Variants in WWOX observed in about 807,000 individuals in gnomAD.
The protein encoded by WWOX is WW domain-containing oxidoreductase.
Under a neutral mutation model 46.2 loss-of-function variants are expected in WWOX, and 69 were observed. The ratio of observed to expected loss-of-function variants is 1.49; its 90% CI spans 1.23 to 1.82. WWOX has a LOEUF of 1.82. Among genes scored for constraint, WWOX ranks in the 40% most tolerant of loss-of-function variants. The pLI, the probability that WWOX is intolerant of heterozygous loss-of-function variation, is 0.00. For missense variants in WWOX, 919 were observed against 542.6 expected (o/e 1.69, Z -6.89); for synonymous variants, 359 against 202.6 (o/e 1.77, Z -6.56).
rs77532199 is a variant in WWOX, at chr16:78,687,522, C to T, written c.1056+254770C>T. On this transcript the variant is annotated intron_variant, in intron 8 of 8. Coordinates refer to ENST00000566780, the MANE Select transcript of WWOX (RefSeq NM_016373.4). ...CAGGGCGTCCTAATTGTGACTCTGC[C>T]TTGCCATTCTATGTTTTATCGGAAT... Among the ~76,000 whole-genome samples the T allele has an allele frequency of 3.4e-3, 518 of 152,228 alleles. 1 individual carries two copies. Among genetic ancestry groups the T allele is most frequent in the Non-Finnish European group, 5.0e-3 (339 of 68,028 alleles).
intron 8 of WWOX, chr16:79,004,857 C>A (rs544858537): frequency 6.6e-6 from 1 of 152,278 alleles, no homozygotes; most frequent in Non-Finnish European, 1.5e-5. Context: ...GGCCGTGCAC[C>A]TATGTGAGAT....
chr16:79,118,507 G>C (rs185942955), intron 8 of WWOX, among the ~76,000 whole-genome samples: 23 of 152,164 alleles, frequency 1.5e-4, no homozygotes, highest in Non-Finnish European at 2.9e-5. Context: ...AAATGGTGCC[G>C]ATAGTCTTCC....
intron 8 of WWOX, among the ~76,000 whole-genome samples, chr16:78,690,892 G>A (rs2047971490): frequency 6.6e-6 from 1 of 152,182 alleles, no homozygotes; most frequent in Admixed American, 6.5e-5. Context: ...ATACCTGGGG[G>A]TTTTCAAATA....
chr16:78,697,335 T>C (rs1468511843), intron 8 of WWOX, among the ~76,000 whole-genome samples: 1 of 152,206 alleles, frequency 6.6e-6, no homozygotes, highest in African/African-American at 2.4e-5. Context: ...TATTATTTTT[T>C]GCATTTTTGG....
chr16:78,303,458 G>A (rs2080078423), intron 5 of WWOX, among the ~76,000 whole-genome samples: 1 of 152,196 alleles, frequency 6.6e-6, no homozygotes, highest in African/African-American at 2.4e-5. Context: ...GAACTAGGGA[G>A]TTGAGTGAGC....
intron 8 of WWOX, among the ~76,000 whole-genome samples, chr16:78,779,681 G>A (rs1327260887): frequency 6.6e-6 from 1 of 152,156 alleles, no homozygotes; most frequent in South Asian, 2.1e-4. Flanking sequence ...TCAGTGATGC[G>A]ACTGGGATCA....
chr16:78,989,533 C>T (rs1373710101), intron 8 of WWOX, among the ~76,000 whole-genome samples: 1 of 152,124 alleles, frequency 6.6e-6, no homozygotes, highest in Non-Finnish European at 1.5e-5. Flanking sequence ...CAGCAGTGGA[C>T]TCCTGTGTGG....
chr16:79,152,627 C>T (rs1054544379), intron 8 of WWOX, among the ~76,000 whole-genome samples: 4 of 151,252 alleles, frequency 2.6e-5, no homozygotes, highest in Admixed American at 6.6e-5. Context: ...GCCGAGATCA[C>T]GCCACTGCAC....
chr16:79,053,408 C>G (rs2048206362), intron 8 of WWOX, among the ~76,000 whole-genome samples: 1 of 152,080 alleles, frequency 6.6e-6, no homozygotes, highest in South Asian at 2.1e-4. Flanking sequence ...ATTTTAAGTA[C>G]CTAAAGTTGT....
At chr16:78,783,946 G>C (rs980933912) in intron 8 of WWOX, among the ~76,000 whole-genome samples, 13 of 152,060 alleles carry the variant, frequency 8.5e-5, no homozygotes, top group African/African-American at 3.1e-4. Context: ...TGCTGGTGCT[G>C]TTGGTGATGG....
chr16:79,110,146 G>T (rs936362060), intron 8 of WWOX, among the ~76,000 whole-genome samples: 3 of 152,156 alleles, frequency 2.0e-5, no homozygotes, highest in Non-Finnish European at 4.4e-5. Context: ...ATGGCTGTTT[G>T]GGGGCTCTCT....
chr16:78,568,331 G>T (rs1172115469), intron 8 of WWOX, among the ~76,000 whole-genome samples: 1 of 151,894 alleles, frequency 6.6e-6, no homozygotes. Context: ...GCCTGCATGC[G>T]GGAAGAAAAA....
chr16:78,326,445 G>A (rs1176077765), intron 5 of WWOX, among the ~76,000 whole-genome samples: 1 of 151,914 alleles, frequency 6.6e-6, no homozygotes. Context: ...GTTGAACGTT[G>A]TTATCGCGCA....
chr16:78,535,433 G>C (rs889946683), intron 8 of WWOX: 2 of 152,194 alleles, frequency 1.3e-5, no homozygotes, highest in African/African-American at 4.8e-5. Flanking sequence ...TTCTATTTCT[G>C]TAAAGAGAAG....
chr16:78,116,606 G>A (rs1363256470), intron 4 of WWOX, among the ~76,000 whole-genome samples: 8 of 152,086 alleles, frequency 5.3e-5, no homozygotes, highest in Admixed American at 4.6e-4. Flanking sequence ...AATTGTCATT[G>A]AAGTCAAAAC....
intron 4 of WWOX, among the ~76,000 whole-genome samples, chr16:78,132,839 A>G (rs1567589955): frequency 6.6e-6 from 1 of 152,132 alleles, no homozygotes; most frequent in Non-Finnish European, 1.5e-5. Context: ...TATACCAGGG[A>G]GGTTTTATAA....
chr16:78,147,204 A>G (rs897096674), intron 4 of WWOX, among the ~76,000 whole-genome samples: 1 of 152,036 alleles, frequency 6.6e-6, no homozygotes, highest in Admixed American at 6.5e-5. Context: ...CAAGGTAAGG[A>G]TTATCCTTTA....
chr16:78,923,531 G>A (rs1329216960), intron 8 of WWOX, among the ~76,000 whole-genome samples: 1 of 151,842 alleles, frequency 6.6e-6, no homozygotes, highest in Non-Finnish European at 1.5e-5. Flanking sequence ...AAAGAGCTTT[G>A]GAAATTCTAC....
chr16:78,832,207 GC>G (rs1439635311), intron 8 of WWOX, among the ~76,000 whole-genome samples: 3 of 152,092 alleles, frequency 2.0e-5, no homozygotes, highest in Admixed American at 6.5e-5. Context: ...TGTCCAAGGG[GC>G]TCACTGATGT....
Sources: allele counts gnomAD v4.1 joint callset (sites outside exome capture counted in the v4.1 genomes callset), GRCh38; gene constraint gnomAD v4.1.1; transcripts MANE v1.5; gene names NCBI Gene and HGNC (gene_info 2026-07-23, HGNC 2026-07-21).